The following CDH3 variants were observed in gnomAD, a reference collection of about 807,000 sequenced individuals.
CDH3 encodes cadherin 3, also known as cadherin-3.
A neutral mutation model predicts 82.0 loss-of-function variants in CDH3; 54 were observed. The ratio of observed to expected loss-of-function variants is 0.66; its 90% CI spans 0.53 to 0.83. CDH3 has a LOEUF of 0.83. Ranked by LOEUF, CDH3 falls within the 40% of genes least tolerant of loss-of-function variation. The probability of loss-of-function intolerance (pLI) is 0.00; values close to 1 mark genes in which losing one functional copy is unlikely to be tolerated. For missense variants in CDH3, 1,054 were observed against 1,084.6 expected, an observed-to-expected ratio of 0.97 and a Z score of 0.40; for synonymous variants, 446 against 437.9, an observed-to-expected ratio of 1.02 and a Z score of -0.23.
At chr16:68,696,127 A>G in intron 15 of CDH3, 1 of 651,398 alleles carries the variant, frequency 1.5e-6, no homozygotes, top group South Asian at 1.7e-5. Context: ...GTGGTTAAAA[A>G]TGATTAGGAG....
intron 2 of CDH3, among the ~76,000 whole-genome samples, chr16:68,658,594 G>A (rs1464781967): frequency 1.4e-5 from 2 of 144,224 alleles, no homozygotes. Context: ...GCCCCATCTT[G>A]TTGTAACTTC....
At chr16:68,690,229 G>C (rs1393470662) in intron 12 of CDH3, among the ~76,000 whole-genome samples, 1 of 152,168 alleles carries the variant, frequency 6.6e-6, no homozygotes, top group South Asian at 2.1e-4. Flanking sequence ...CTGCATTTGT[G>C]TGATCACTAA....
At chr16:68,712,690 T>G (rs1032372810) in intron 1 of CDH3, among the ~76,000 whole-genome samples, 1 of 148,998 alleles carries the variant, frequency 6.7e-6, no homozygotes, top group African/African-American at 2.4e-5. Flanking sequence ...CCAGGTTCCT[T>G]TTTTTTTTTG....
chr16:68,702,325 A>T (rs754281755), downstream of CDH3, among the ~76,000 whole-genome samples: 39 of 152,128 alleles, frequency 2.6e-4, no homozygotes, highest in Non-Finnish European at 3.2e-4. Context: ...TTTTGCCCTT[A>T]ACAATGTCAA....
At chr16:68,719,502 CTTTTTTTTTT>C (rs71148939) in intron 1 of CDH3, among the ~76,000 whole-genome samples, 341 of 74,512 alleles carry the variant, frequency 4.6e-3, no homozygotes, top group Middle Eastern at 0.027. Flanking sequence ...TGGAACTGTT[CTTTTTTTTTT>C]TTTTTTTTTT....
At chr16:68,716,695 C>T (rs568600868) in intron 1 of CDH3, among the ~76,000 whole-genome samples, 11 of 150,192 alleles carry the variant, frequency 7.3e-5, no homozygotes, top group Non-Finnish European at 1.5e-4. Context: ...GAGGGTAGCA[C>T]GGGATGGTAC....
intron 2 of CDH3, among the ~76,000 whole-genome samples, chr16:68,649,044 A>T (rs1960164581): frequency 6.6e-6 from 1 of 152,018 alleles, no homozygotes; most frequent in South Asian, 2.1e-4. Context: ...TCTGGGGGCC[A>T]CCTTCCTTCA....
chr16:68,680,903 G>A, intron 7 of CDH3, 65 bp from the exon 8 acceptor site: 1 of 1,590,104 alleles, frequency 6.3e-7, no homozygotes, highest in Non-Finnish European at 8.6e-7. Flanking sequence ...AGTGCTTCCT[G>A]GAGGTCAGGG....
At chr16:68,704,873 T>C (rs541481401), downstream of CDH3, among the ~76,000 whole-genome samples, 1 of 152,218 alleles carries the variant, frequency 6.6e-6, no homozygotes, top group South Asian at 2.1e-4. Flanking sequence ...CTGGGCAACA[T>C]AGTGAGACCC....
chr16:68,679,072 C>T (rs531545708), intron 6 of CDH3, among the ~76,000 whole-genome samples, 166 bp downstream of exon 6: 1 of 152,312 alleles, frequency 6.6e-6, no homozygotes, highest in South Asian at 2.1e-4. Flanking sequence ...TAAGAATGAT[C>T]CTAGAGCAGA....
intron 1 of CDH3, among the ~76,000 whole-genome samples, chr16:68,714,910 G>A (rs1465262658): frequency 6.6e-6 from 1 of 152,162 alleles, no homozygotes; most frequent in Non-Finnish European, 1.5e-5. Flanking sequence ...TTGGGAGGCT[G>A]AGGCAGGATC....
chr16:68,679,310 C>CA (rs1287637101), intron 6 of CDH3, among the ~76,000 whole-genome samples: 1 of 152,184 alleles, frequency 6.6e-6, no homozygotes, highest in Non-Finnish European at 1.5e-5. Flanking sequence ...ATACCATGTG[C>CA]AGACTGTTAG....
intron 10 of CDH3, 32 bp downstream of exon 10, chr16:68,684,856 G>T (rs745401573): frequency 4.5e-5 from 72 of 1,613,348 alleles, no homozygotes; most frequent in Middle Eastern, 1.6e-4. Context: ...TAAGCAGCAC[G>T]TACTGGTACA....
chr16:68,730,069 C>T (rs1410187272), downstream of CDH3, among the ~76,000 whole-genome samples: 4 of 151,640 alleles, frequency 2.6e-5, no homozygotes, highest in Admixed American at 2.0e-4. Flanking sequence ...CCTGTCTCTA[C>T]TAAAAATACA....
intron 2 of CDH3, among the ~76,000 whole-genome samples, chr16:68,666,642 CA>C (rs1283690176): frequency 1.3e-5 from 2 of 152,214 alleles, no homozygotes; most frequent in South Asian, 2.1e-4. Context: ...AGAGGCAGAC[CA>C]CAGCCTTGGC....
intron 2 of CDH3, among the ~76,000 whole-genome samples, chr16:68,670,625 G>A (rs75393104): frequency 0.014 from 2,081 of 152,210 alleles, 60 homozygotes; most frequent in African/African-American, 0.046. Flanking sequence ...CAACTTGTAC[G>A]TTACTCATGA....
chr16:68,682,560 C>T (rs1961263769), intron 9 of CDH3, 73 bp downstream of exon 9: 1 of 1,416,970 alleles, frequency 7.1e-7, no homozygotes, highest in Non-Finnish European at 1.0e-6. Context: ...GATGAGGAGC[C>T]ACTGTCTACC....
chr16:68,660,495 A>G (rs1283248565), intron 2 of CDH3, among the ~76,000 whole-genome samples: 1 of 152,230 alleles, frequency 6.6e-6, no homozygotes, highest in African/African-American at 2.4e-5. Context: ...AAATCTAGTT[A>G]GCAAGCATTT....
chr16:68,677,959 G>A (rs944814637), intron 3 of CDH3, among the ~76,000 whole-genome samples, 175 bp from the exon 4 acceptor site: 2 of 150,288 alleles, frequency 1.3e-5, no homozygotes, highest in East Asian at 2.0e-4. Context: ...TTAGGGTCTC[G>A]CTATCTTGCC....
Sources: gnomAD v4.1 joint callset for allele counts (sites outside exome capture counted in the v4.1 genomes callset) on GRCh38, gnomAD v4.1.1 for gene constraint, MANE v1.5 for transcripts, NCBI Gene and HGNC (gene_info 2026-07-23, HGNC 2026-07-21) for gene names.